Variants in LPCAT1 observed in about 807,000 individuals in gnomAD.
The protein encoded by LPCAT1 is 1-acylglycerol-3-phosphate O-acyltransferase.
LPCAT1 carries 23 observed loss-of-function variants against 60.9 expected under a neutral mutation model. The observed-to-expected ratio is 0.38, with a 90% confidence interval of 0.27 to 0.53. LPCAT1 has a LOEUF of 0.53. Among genes scored for constraint, LPCAT1 ranks in the 20% least tolerant of loss-of-function variants. The probability of loss-of-function intolerance (pLI) is 0.82; values close to 1 mark genes in which losing one functional copy is unlikely to be tolerated. For missense variants in LPCAT1, 622 were observed against 723.6 expected, an observed-to-expected ratio of 0.86 and a Z score of 1.61; for synonymous variants, 340 against 301.1, an observed-to-expected ratio of 1.13 and a Z score of -1.34.
In LPCAT1 at chr5:1,489,841, G is replaced by C; in HGVS notation, c.511C>G (p.Arg171Gly). ...TCTGACCGGGACACGAACACAGGCC[G>C]TATATACTGGATCAGAGCTGGAAGA... ...PIWGTLIQYI[R>G]PVFVSRSDQD... Residue 171 changes from arginine to glycine, a missense_variant, in exon 4 of 14, where the codon CGG (arginine) becomes GGG (glycine). Around this residue, in one of 3 missense-constraint regions of LPCAT1, gnomAD observed 209 missense variants for 325.5 expected, o/e 0.64. Coordinates refer to ENST00000283415, the MANE Select transcript of LPCAT1 (RefSeq NM_024830.5). 1 of 1,612,082 alleles carries C rather than the reference G, an allele frequency of 6.2e-7. No individual in the cohort carries two copies. The highest frequency in any genetic ancestry group is 8.5e-7 in the Non-Finnish European group (1 of 1,178,106).
Position 1,523,850 on chromosome 5 carries a change from C to T in LPCAT1, c.-6G>A, listed in dbSNP as rs1736751869. ...CCGCATCCCCGCAGCCTCATGGCCG[C>T]GCCGTCCCGCGGCGAGCGCAGCCGA... On this transcript the variant is annotated 5_prime_UTR_variant, in exon 1 of 14. Transcript: ENST00000283415. This position sits in a 1 kb window ranked among gnomAD's most constrained non-coding sequence, Gnocchi z 7.1. The T allele has an allele frequency of 1.3e-5, 14 of 1,055,480 alleles. No homozygotes were observed. The highest frequency in any genetic ancestry group is 5.6e-5 in the Admixed American group (1 of 17,912). 65.4% of individuals were successfully genotyped at this position (1,055,480 alleles called of 1,614,324 possible).
At chr5:1,485,003 G>A (rs141979808) in intron 5 of LPCAT1, among the ~76,000 whole-genome samples, 202 of 152,310 alleles carry the variant, frequency 1.3e-3, no homozygotes, top group Non-Finnish European at 2.3e-3. Context: ...CCCGGCAGCC[G>A]AGTCCCAGCC....
At position 1,479,711 on chromosome 5, in the gene LPCAT1, C is replaced by A. The variant is rs200371912; in HGVS notation, c.762-36G>T. The A allele has an allele frequency of 3.9e-6, 6 of 1,539,892 alleles. No individual in the cohort carries two copies. The Admixed American group carries it at 6.7e-5, about 17-fold the overall frequency. ...GATTGCACAATGTTGAGCAGATTTACAACTCGGGTTAACAAGTAAATTACT... is the reference window on the plus strand; with the variant it reads ...GATTGCACAATGTTGAGCAGATTTAAAACTCGGGTTAACAAGTAAATTACT... On this transcript the variant is annotated intron_variant, in intron 7 of 13. Transcript: ENST00000283415.
chr5:1,475,276 GGA>G (rs1353041794), intron 9 of LPCAT1, among the ~76,000 whole-genome samples: 3 of 152,206 alleles, frequency 2.0e-5, no homozygotes, highest in Non-Finnish European at 2.9e-5. Flanking sequence ...ATTTGGAACA[GGA>G]GAGTCTCAGG....
rs1224765854 is a variant in LPCAT1, at chr5:1,523,781, G to A, written c.64C>T (p.Arg22Trp). 4 of 1,148,022 alleles carry A rather than the reference G, an allele frequency of 3.5e-6. No homozygotes were observed. The highest frequency in any genetic ancestry group is 4.3e-6 in the Non-Finnish European group (4 of 931,840). The allele number at this position is 1,148,022 out of a possible 1,614,324, so 71.1% of individuals were successfully genotyped here. The change falls in exon 1 of 14, where the codon CGG becomes TGG. Residue 22 changes from arginine (R) to tryptophan (W), a missense_variant. Physicochemically the swap from Arg to Trp is moderately radical, Grantham distance 101 (BLOSUM62 -3). Coordinates refer to ENST00000283415, the MANE Select transcript of LPCAT1 (RefSeq NM_024830.5). This position sits in a 1 kb window ranked among gnomAD's most constrained non-coding sequence, Gnocchi z 7.1. Reference sequence around the variant, plus strand: ...TTCCGCCCCGGGGGCGCCAGCAGCCGAGCGTCGCTGGCCCCTGCGCTGGAG... The same window carrying A: ...TTCCGCCCCGGGGGCGCCAGCAGCCAAGCGTCGCTGGCCCCTGCGCTGGAG... ...PASSAGASDA[R>W]LLAPPGRNPF... is the part of the protein sequence containing the mutation.
At chr5:1,474,504 G>A in intron 10 of LPCAT1, 56 bp downstream of exon 10, 1 of 1,596,500 alleles carries the variant, frequency 6.3e-7, no homozygotes, top group Non-Finnish European at 8.6e-7. Context: ...GCCCCCGCCA[G>A]ACCTCGGCAT....
At chr5:1,491,533 G>GA (rs1735582601) in intron 3 of LPCAT1, among the ~76,000 whole-genome samples, 1 of 152,152 alleles carries the variant, frequency 6.6e-6, no homozygotes, top group Non-Finnish European at 1.5e-5. Context: ...GTGAAGTCTT[G>GA]GGCCGTGCGT....
Position 1,470,812 on chromosome 5 carries a change from A to C in LPCAT1, c.1278+14T>G, listed in dbSNP as rs1161553043. 6.2e-7 allele frequency: 1 copy of C among 1,610,390 alleles called. No individual in the cohort carries two copies. Among genetic ancestry groups the C allele is most frequent in the Non-Finnish European group, 8.5e-7 (1 of 1,177,742 alleles). ...CCTGTCCCCCAGTCAAACCCATGTG[A>C]ACTCTGCACTCACCTTGAAAGCCAG... On this transcript the variant is annotated intron_variant, in intron 12 of 13. Transcript: ENST00000283415.
rs1734824179 is a variant in LPCAT1, at chr5:1,474,627, C to T, written c.958G>A (p.Glu320Lys). The T allele has an allele frequency of 6.2e-7, 1 of 1,613,896 alleles. No homozygotes were observed. The highest frequency in any genetic ancestry group is 8.5e-7 in the Non-Finnish European group (1 of 1,180,002). ...TCAGCGGGGAGACGGAGCTGTCCTTCCGCCAGGGCCAGCTGGCAGTCCTCG... is the reference window on the plus strand; with the variant it reads ...TCAGCGGGGAGACGGAGCTGTCCTTTCGCCAGGGCCAGCTGGCAGTCCTCG... ...TFEDCQLALA[E>K]GQLRLPADTC... Residue 320 changes from glutamate to lysine, a missense_variant, in exon 10 of 14, where the codon GAA becomes AAA. This residue lies in a region of LPCAT1 where 209 missense variants were observed against 325.5 expected (regional missense o/e 0.64). Transcript: ENST00000283415.
rs1734115307 is a variant in LPCAT1 at position 1,461,978 on chromosome 5, A to C, written c.*1673T>G. 6.6e-6 allele frequency: 1 copy of C among 152,466 alleles called. No homozygotes were observed. 9.4% of individuals were successfully genotyped at this position (152,466 alleles called of 1,614,324 possible). A position where few individuals can be genotyped will look rare whatever the true frequency, so the allele number is the denominator to read the frequency against. On this transcript the variant is annotated 3_prime_UTR_variant, in exon 14 of 14. Transcript: ENST00000283415. ...GTGTCCAACACGCCAAGAGCCCTGA[A>C]ATTGACTTCGGTTTACTCCATCCCT...
chr5:1,468,429 AGAGAGCAGTGCCTCCTGCCCCC>A (rs1734529455), intron 12 of LPCAT1, among the ~76,000 whole-genome samples: 1 of 152,320 alleles, frequency 6.6e-6, no homozygotes, highest in South Asian at 2.1e-4. Flanking sequence ...CTCAGCCCCC[AGAGAGCAGTGCCTCCTGCCCCC>A]TAGTGGTTGC....
In LPCAT1 at chr5:1,463,315, GAA is replaced by G; in HGVS notation, c.*334_*335del. On this transcript the variant is annotated 3_prime_UTR_variant, in exon 14 of 14. Coordinates refer to ENST00000283415, the MANE Select transcript of LPCAT1 (RefSeq NM_024830.5). ...GCCCGCCCGGTGCACGCTGCCGCCG[GAA>G]GAGGCTGTGACAGAGACTCGAAACC... The G allele has an allele frequency of 3.7e-6, 1 of 267,974 alleles. No homozygotes were observed. Among genetic ancestry groups the G allele is most frequent in the Admixed American group, 5.1e-5 (1 of 19,704 alleles). The allele number at this position is 267,974 out of a possible 1,614,324, so 16.6% of individuals were successfully genotyped here.
chr5:1,491,153 CACGATTCCAGT>C (rs1644072687), intron 3 of LPCAT1, among the ~76,000 whole-genome samples: 1 of 108,758 alleles, frequency 9.2e-6, no homozygotes, highest in Non-Finnish European at 2.2e-5. Flanking sequence ...TTTGCTTTTT[CACGATTCCAGT>C]ACTATTTCAT....
At chr5:1,518,381 C>T (rs1239982200) in intron 1 of LPCAT1, among the ~76,000 whole-genome samples, 1 of 152,220 alleles carries the variant, frequency 6.6e-6, no homozygotes, top group African/African-American at 2.4e-5. Context: ...GGCTCTGTCG[C>T]CCAGGCTGGA....
At chr5:1,507,624 C>A (rs568216364) in intron 1 of LPCAT1, among the ~76,000 whole-genome samples, 1 of 152,146 alleles carries the variant, frequency 6.6e-6, no homozygotes, top group African/African-American at 2.4e-5. Context: ...TGGCAGGGGC[C>A]GGGCGCGAGC....
chr5:1,482,419 T>G (rs1338461768), intron 6 of LPCAT1, among the ~76,000 whole-genome samples: 4 of 53,942 alleles, frequency 7.4e-5, no homozygotes, highest in South Asian at 9.6e-4. Flanking sequence ...GGCCAGGGGG[T>G]GGGGCTGCGG....
chr5:1,476,778 G>C lies in LPCAT1; in HGVS notation c.899+626C>G, dbSNP rs920009531. ...AAGTGTGGGGGGAATGGGACCTGAG[G>C]GATGGAAGGTGCTGAGGGAGGGAGA... On this transcript the variant is annotated intron_variant, in intron 9 of 13. Transcript: ENST00000283415. This position sits in a 1 kb window ranked among gnomAD's most constrained non-coding sequence, Gnocchi z 8.6. 6.6e-6 allele frequency among the ~76,000 whole-genome samples: 1 copy of C among 151,954 alleles called. No individual in the cohort carries two copies. Among genetic ancestry groups the C allele is most frequent in the Non-Finnish European group, 1.5e-5 (1 of 67,994 alleles).
intron 2 of LPCAT1, among the ~76,000 whole-genome samples, chr5:1,497,078 A>G (rs530397282): frequency 6.6e-5 from 10 of 152,360 alleles, no homozygotes; most frequent in Non-Finnish European, 1.0e-4. Flanking sequence ...ACTGACCCCA[A>G]GGAGACAGAA....
intron 10 of LPCAT1, among the ~76,000 whole-genome samples, 153 bp downstream of exon 10, chr5:1,474,407 A>G (rs946592165): frequency 6.6e-6 from 1 of 152,200 alleles, no homozygotes; most frequent in Non-Finnish European, 1.5e-5. Flanking sequence ...GGATTGAAAG[A>G]CACTATGTGG....
Sources: gnomAD v4.1 joint callset for allele counts (sites outside exome capture counted in the v4.1 genomes callset) on GRCh38, gnomAD v4.1.1 for gene constraint, gnomAD v4.1.1 regional missense constraint, Gnocchi (gnomAD v3.1) non-coding constraint, MANE v1.5 for transcripts, NCBI Gene and HGNC (gene_info 2026-07-23, HGNC 2026-07-21) for gene names.